Variants in AGTPBP1 observed in about 807,000 individuals in gnomAD.
AGTPBP1 encodes the protein cytosolic carboxypeptidase 1.
AGTPBP1 carries 70 observed loss-of-function variants against 143.9 expected under a neutral mutation model. The observed-to-expected ratio is 0.49, with a 90% CI of 0.40 to 0.59. The LOEUF (loss-of-function observed/expected upper bound fraction) is 0.59. AGTPBP1 is among the 20% of genes least tolerant of loss of function. The pLI is 0.00. For missense variants in AGTPBP1, 1,229 were observed against 1,464.5 expected (o/e 0.84, Z 2.62); for synonymous variants, 463 against 500.2 (o/e 0.93, Z 0.99).
At chr9:85,786,788 A>T in the AGTPBP1 span, among the ~76,000 whole-genome samples, 6 of 152,130 alleles carry the variant, frequency 3.9e-5, no homozygotes, top group African/African-American at 1.4e-4. Context: ...GTAATCAAAC[A>T]TGTTTTCCAA....
At chr9:85,617,669 C>A (rs1830670528) in intron 17 of AGTPBP1, among the ~76,000 whole-genome samples, 1 of 151,754 alleles carries the variant, frequency 6.6e-6, no homozygotes, top group Admixed American at 6.6e-5. Context: ...ACCAGTGAAA[C>A]AAAACACTAG....
At chr9:85,741,730 G>A in intron 1 of AGTPBP1, 45 bp downstream of exon 1, 7 of 1,281,122 alleles carry the variant, frequency 5.5e-6, no homozygotes, top group Non-Finnish European at 5.9e-6. Flanking sequence ...GGGGAGAGCA[G>A]AGGGACGGCC....
At chr9:85,800,740 A>G in the AGTPBP1 span, among the ~76,000 whole-genome samples, 1 of 152,158 alleles carries the variant, frequency 6.6e-6, no homozygotes, top group Non-Finnish European at 1.5e-5. Context: ...ATAATTAGAA[A>G]TAAGTATGAT....
chr9:85,569,218 C>T (rs936463579), intron 25 of AGTPBP1, among the ~76,000 whole-genome samples: 1 of 152,046 alleles, frequency 6.6e-6, no homozygotes, highest in East Asian at 1.9e-4. Flanking sequence ...ATCACTGATG[C>T]AGAGCACAAC....
At chr9:85,659,670 C>A (rs530480988) in intron 9 of AGTPBP1, among the ~76,000 whole-genome samples, 22 of 152,172 alleles carry the variant, frequency 1.4e-4, no homozygotes, top group Middle Eastern at 3.4e-3. Flanking sequence ...AGAATTTTGG[C>A]TTTTACTAAC....
At chr9:85,568,590 T>G (rs1549371) in intron 25 of AGTPBP1, among the ~76,000 whole-genome samples, 45 of 152,248 alleles carry the variant, frequency 3.0e-4, no homozygotes, top group Admixed American at 1.0e-3. Context: ...CACGAGTGAC[T>G]AGTGCATGCA....
chr9:85,573,350 C>T (rs1391710522), intron 25 of AGTPBP1, among the ~76,000 whole-genome samples: 1 of 152,230 alleles, frequency 6.6e-6, no homozygotes, highest in Admixed American at 6.5e-5. Context: ...GAGTGATCCG[C>T]CAGCCTTGGC....
intron 17 of AGTPBP1, among the ~76,000 whole-genome samples, chr9:85,609,951 A>G (rs1352601428): frequency 6.6e-6 from 1 of 152,226 alleles, no homozygotes; most frequent in Non-Finnish European, 1.5e-5. Context: ...AAGGAAATGT[A>G]GGAAAGCCAC....
At chr9:85,706,283 G>A (rs181422001) in intron 2 of AGTPBP1, among the ~76,000 whole-genome samples, 9 of 149,130 alleles carry the variant, frequency 6.0e-5, no homozygotes, top group Admixed American at 4.7e-4. Flanking sequence ...GAGCCAAGGT[G>A]GGTGGATCAC....
chr9:85,560,077 C>T (rs1727894136), intron 25 of AGTPBP1, among the ~76,000 whole-genome samples: 1 of 152,126 alleles, frequency 6.6e-6, no homozygotes, highest in South Asian at 2.1e-4. Flanking sequence ...CCCCCTCCAG[C>T]CCACCAGTAT....
chr9:85,709,135 G>A (rs1294755657), intron 2 of AGTPBP1, among the ~76,000 whole-genome samples: 2 of 152,100 alleles, frequency 1.3e-5, no homozygotes, highest in African/African-American at 4.8e-5. Flanking sequence ...TCATGACCAA[G>A]TAAGATCAAT....
chr9:85,594,998 G>C (rs1829204556), intron 18 of AGTPBP1, among the ~76,000 whole-genome samples: 1 of 152,202 alleles, frequency 6.6e-6, no homozygotes, highest in Non-Finnish European at 1.5e-5. Context: ...AAAGAGACAA[G>C]TGATGAAAGA....
At chr9:85,550,194 T>TGAGAGAGA (rs761030919) in intron 25 of AGTPBP1, among the ~76,000 whole-genome samples, 2 of 129,280 alleles carry the variant, frequency 1.5e-5, no homozygotes, top group African/African-American at 6.0e-5. Context: ...TGTGTGTGTG[T>TGAGAGAGA]GAGAGAGAGA....
intron 3 of AGTPBP1, among the ~76,000 whole-genome samples, chr9:85,682,172 TAAAAAAAAAAAAA>T (rs745339958): frequency 2.3e-5 from 2 of 85,830 alleles, no homozygotes; most frequent in South Asian, 4.4e-4. Context: ...TAGGATTGGT[TAAAAAAAAAAAAA>T]AAAAAAAAAA....
chr9:85,569,503 T>C (rs1827324344), intron 25 of AGTPBP1, among the ~76,000 whole-genome samples: 1 of 152,294 alleles, frequency 6.6e-6, no homozygotes, highest in Middle Eastern at 3.4e-3. Context: ...AGCAAGTATA[T>C]ACTAATGATC....
intron 1 of AGTPBP1, among the ~76,000 whole-genome samples, chr9:85,729,861 T>C (rs1352624602): frequency 2.0e-5 from 3 of 152,140 alleles, no homozygotes; most frequent in Admixed American, 2.0e-4. Context: ...GGATGGCTAT[T>C]ATCAAAAAGA....
the AGTPBP1 span, among the ~76,000 whole-genome samples, chr9:85,800,150 C>G: frequency 6.6e-6 from 1 of 152,312 alleles, no homozygotes; most frequent in African/African-American, 2.4e-5. Flanking sequence ...CTGTCTTCAG[C>G]TCTGCCTGGT....
chr9:85,551,776 T>A (rs1188924862), intron 25 of AGTPBP1, among the ~76,000 whole-genome samples: 2 of 152,190 alleles, frequency 1.3e-5, no homozygotes, highest in African/African-American at 2.4e-5. Context: ...TTATTTCCTA[T>A]GATTCTCACA....
chr9:85,666,649 G>A (rs1276450431), intron 8 of AGTPBP1, among the ~76,000 whole-genome samples: 1 of 152,064 alleles, frequency 6.6e-6, no homozygotes, highest in Non-Finnish European at 1.5e-5. Flanking sequence ...TATACCCCAT[G>A]TGGTATATTA....
Sources: allele counts gnomAD v4.1 joint callset (sites outside exome capture counted in the v4.1 genomes callset), GRCh38; gene constraint gnomAD v4.1.1; transcripts MANE v1.5; gene names NCBI Gene and HGNC (gene_info 2026-07-23, HGNC 2026-07-21).